Variants in MYO3B observed in about 807,000 individuals in gnomAD.
The protein encoded by MYO3B is myosin IIIB.
In MYO3B, 156 loss-of-function variants were observed where a neutral mutation model predicts 174.6. The observed-to-expected ratio is 0.89, with a 90% CI of 0.78 to 1.02. The LOEUF is 1.02. Ranked by LOEUF, MYO3B falls within the 50% of genes least tolerant of loss-of-function variation. The pLI, the probability that MYO3B is intolerant of heterozygous loss-of-function variation, is 0.00. For synonymous variants in MYO3B, 563 were observed against 569.1 expected (o/e 0.99, Z 0.15); for missense variants, 1,632 against 1,639.4 (o/e 1.00, Z 0.08).
rs183879812 is a variant in MYO3B at position 170,459,709 on chromosome 2, G to C, written c.2731-3659G>C. 3.0e-4 allele frequency among the ~76,000 whole-genome samples: 45 copies of C among 152,258 alleles called. No homozygotes were observed. In the South Asian group the frequency reaches 5.6e-3, roughly 19 times the overall value. ...TGCCCGTCGAGGAGGCTCAAGGCTC[G>C]GGCCGCATGGGAACCCACTGGGGGT... On this transcript the variant is annotated intron_variant, in intron 23 of 34. Coordinates refer to ENST00000408978, the MANE Select transcript of MYO3B (RefSeq NM_138995.5).
chr2:170,449,370 A>G (rs749403127), intron 23 of MYO3B, among the ~76,000 whole-genome samples: 5 of 152,252 alleles, frequency 3.3e-5, no homozygotes, highest in Non-Finnish European at 5.9e-5. Flanking sequence ...GAGAATACTC[A>G]CAAATAGTTT....
chr2:170,230,774 A>G (rs2093007159), intron 6 of MYO3B, among the ~76,000 whole-genome samples: 1 of 152,180 alleles, frequency 6.6e-6, no homozygotes, highest in Admixed American at 6.5e-5. Flanking sequence ...ATCTACTATT[A>G]ACATTTTAGT....
At chr2:170,524,021 G>A (rs1259015925) in intron 30 of MYO3B, among the ~76,000 whole-genome samples, 1 of 152,216 alleles carries the variant, frequency 6.6e-6, no homozygotes, top group Admixed American at 6.5e-5. Context: ...ACCAGGAAAA[G>A]ATGAAGGGAA....
At chr2:170,412,731 T>C (rs1022657103) in intron 22 of MYO3B, among the ~76,000 whole-genome samples, 4 of 152,218 alleles carry the variant, frequency 2.6e-5, no homozygotes, top group Non-Finnish European at 5.9e-5. Context: ...TTTCCACTTA[T>C]GGCTGTTGGT....
At chr2:170,400,031 C>A (rs1187261148) in intron 16 of MYO3B, among the ~76,000 whole-genome samples, 157 bp from the exon 17 acceptor site, 1 of 152,080 alleles carries the variant, frequency 6.6e-6, no homozygotes, top group Non-Finnish European at 1.5e-5. Context: ...ATATGACGAC[C>A]TCTAACTGCA....
At chr2:170,564,939 T>C (rs1457867502) in intron 32 of MYO3B, among the ~76,000 whole-genome samples, 1 of 147,848 alleles carries the variant, frequency 6.8e-6, no homozygotes, top group African/African-American at 2.6e-5. Context: ...TTGCTTGATT[T>C]TCCATCCCAC....
chr2:170,634,762 C>G (rs2105404285), intron 32 of MYO3B, among the ~76,000 whole-genome samples: 1 of 152,284 alleles, frequency 6.6e-6, no homozygotes, highest in Non-Finnish European at 1.5e-5. Flanking sequence ...AGAACTCAAA[C>G]AAATTTACAA....
intron 1 of MYO3B, among the ~76,000 whole-genome samples, chr2:170,193,075 C>A (rs1005896786): frequency 2.6e-5 from 4 of 151,692 alleles, no homozygotes; most frequent in Non-Finnish European, 5.9e-5. Flanking sequence ...CTTATTGTCA[C>A]CTTGTTCTGT....
intron 7 of MYO3B, among the ~76,000 whole-genome samples, chr2:170,254,064 G>A (rs2113658): frequency 6.6e-6 from 1 of 152,114 alleles, no homozygotes; most frequent in African/African-American, 2.4e-5. Context: ...GAAGAGGGAG[G>A]AAGCTGGGAA....
intron 25 of MYO3B, among the ~76,000 whole-genome samples, chr2:170,483,413 G>A (rs1206229187): frequency 1.3e-5 from 1 of 79,202 alleles, no homozygotes; most frequent in Non-Finnish European, 2.1e-5. Flanking sequence ...TTGAGACGGA[G>A]TCTAGCTCTG....
chr2:170,537,702 C>T (rs888066959), intron 30 of MYO3B, among the ~76,000 whole-genome samples: 1 of 152,016 alleles, frequency 6.6e-6, no homozygotes, highest in African/African-American at 2.4e-5. Flanking sequence ...CCACCTCAAC[C>T]TCCCAAAGTG....
intron 7 of MYO3B, among the ~76,000 whole-genome samples, chr2:170,314,133 T>C (rs950285648): frequency 3.3e-5 from 5 of 152,136 alleles, no homozygotes; most frequent in African/African-American, 7.2e-5. Flanking sequence ...CATCTTTTAT[T>C]ATGTTTATTT....
chr2:170,460,487 C>CAAAAAAAAAA lies in MYO3B; in HGVS notation c.2731-2867_2731-2858dup, dbSNP rs36000141. ...TAGGTGACAGAGTAAGACTCCGTCT[C>CAAAAAAAAAA]AAAAAAAAAAAAAAAAAAAAAAAGA... On this transcript the variant is annotated intron_variant, in intron 23 of 34. Coordinates refer to ENST00000408978, the MANE Select transcript of MYO3B (RefSeq NM_138995.5). Among the ~76,000 whole-genome samples the CAAAAAAAAAA allele has an allele frequency of 1.2e-4, 9 of 73,700 alleles. 1 individual carries two copies. Among genetic ancestry groups the CAAAAAAAAAA allele is most frequent in the East Asian group, 5.1e-4 (1 of 1,958 alleles). 48.4% of individuals were successfully genotyped at this position (73,700 alleles called of 152,430 possible).
intron 23 of MYO3B, among the ~76,000 whole-genome samples, chr2:170,457,922 G>GTTTTATATTTAGGTAGAGACAGGGT (rs1684002032): frequency 6.6e-6 from 1 of 152,000 alleles, no homozygotes; most frequent in Non-Finnish European, 1.5e-5. Context: ...GCCTGGCTAA[G>GTTTTATATTTAGGTAGAGACAGGGT]TTTTATATTT....
chr2:170,232,877 G>C (rs959235794), intron 6 of MYO3B, among the ~76,000 whole-genome samples: 4 of 152,230 alleles, frequency 2.6e-5, no homozygotes, highest in Non-Finnish European at 5.9e-5. Context: ...TAATTTCTTT[G>C]TTACATGATG....
chr2:170,535,127 T>G (rs1022068428), intron 30 of MYO3B, among the ~76,000 whole-genome samples: 1 of 152,196 alleles, frequency 6.6e-6, no homozygotes, highest in Non-Finnish European at 1.5e-5. Flanking sequence ...AATTTGTGTC[T>G]GCTACTTGAA....
At chr2:170,648,165 T>C (rs1317053465) in intron 32 of MYO3B, 1 of 152,244 alleles carries the variant, frequency 6.6e-6, no homozygotes, top group Non-Finnish European at 1.5e-5. Flanking sequence ...GGAGGAGGTA[T>C]GTTGGAACCG....
chr2:170,273,935 A>G (rs2105375420), intron 7 of MYO3B, among the ~76,000 whole-genome samples: 1 of 152,304 alleles, frequency 6.6e-6, no homozygotes, highest in East Asian at 1.9e-4. Context: ...ATAGATGTGG[A>G]GCTGGGCCAA....
At chr2:170,269,056 C>T (rs77677535) in intron 7 of MYO3B, among the ~76,000 whole-genome samples, 4,772 of 152,220 alleles carry the variant, frequency 0.031, 95 homozygotes, top group Middle Eastern at 0.048. Context: ...CAGTTCTGCC[C>T]GAGTGACGGT....
Sources: allele counts gnomAD v4.1 joint callset (sites outside exome capture counted in the v4.1 genomes callset), GRCh38; gene constraint gnomAD v4.1.1; transcripts MANE v1.5; gene names NCBI Gene and HGNC (gene_info 2026-07-23, HGNC 2026-07-21).